NCKAP5: variants seen among roughly 807,000 people sequenced by gnomAD.
NCKAP5 encodes the protein NCK associated protein 5.
NCKAP5 carries 92 observed loss-of-function variants against 167.0 expected under a neutral mutation model. The observed-to-expected ratio is 0.55, with a 90% CI of 0.47 to 0.66. The LOEUF is 0.66. Ranked by LOEUF, NCKAP5 falls within the 30% of genes least tolerant of loss-of-function variation. The pLI, the probability that NCKAP5 is intolerant of heterozygous loss-of-function variation, is 0.00. For missense variants in NCKAP5, 2,378 were observed against 2,315.0 expected (o/e 1.03, Z -0.56); for synonymous variants, 891 against 877.4 (o/e 1.02, Z -0.27).
chr2:133,251,089 C>CAAA (rs2088293841), intron 4 of NCKAP5, among the ~76,000 whole-genome samples: 1 of 150,826 alleles, frequency 6.6e-6, no homozygotes, highest in African/African-American at 2.4e-5. Context: ...AAAAAAAAAC[C>CAAA]CAGCATAACA....
At chr2:133,546,578 A>G (rs1293819234) in intron 2 of NCKAP5, among the ~76,000 whole-genome samples, 1 of 152,146 alleles carries the variant, frequency 6.6e-6, no homozygotes, top group Non-Finnish European at 1.5e-5. Flanking sequence ...GGGGCTTTGG[A>G]AGAGCAGAGG....
chr2:133,248,723 A>T (rs537198471), intron 4 of NCKAP5, among the ~76,000 whole-genome samples: 2 of 152,130 alleles, frequency 1.3e-5, no homozygotes, highest in Non-Finnish European at 2.9e-5. Context: ...TGGATAATTC[A>T]TGGTTTTACA....
chr2:132,763,784 A>G (rs569902906), intron 16 of NCKAP5, among the ~76,000 whole-genome samples: 41 of 152,326 alleles, frequency 2.7e-4, no homozygotes, highest in African/African-American at 9.9e-4. Context: ...CTTATCAGTG[A>G]TCACAATGCA....
intron 6 of NCKAP5, among the ~76,000 whole-genome samples, chr2:133,039,807 C>T (rs2079154075): frequency 6.6e-6 from 1 of 152,102 alleles, no homozygotes; most frequent in African/African-American, 2.4e-5. Context: ...GCCCAGGAAC[C>T]ACACTCCGGA....
At chr2:133,550,360 C>CA (rs1326349906) in intron 2 of NCKAP5, among the ~76,000 whole-genome samples, 1 of 151,156 alleles carries the variant, frequency 6.6e-6, no homozygotes, top group Non-Finnish European at 1.5e-5. Context: ...AAAATACTGG[C>CA]AAAACGAATC....
the NCKAP5 span, among the ~76,000 whole-genome samples, chr2:133,671,598 C>G: frequency 6.6e-6 from 1 of 152,128 alleles, no homozygotes; most frequent in African/African-American, 2.4e-5. Flanking sequence ...CACCTCAGGA[C>G]TCTGCAGAGT....
intron 2 of NCKAP5, among the ~76,000 whole-genome samples, chr2:133,544,258 T>C (rs1686467957): frequency 6.6e-6 from 1 of 152,222 alleles, no homozygotes; most frequent in African/African-American, 2.4e-5. Context: ...CTTCAGAATA[T>C]TCTATTATTA....
At chr2:133,043,572 T>C (rs2079288050) in intron 6 of NCKAP5, among the ~76,000 whole-genome samples, 1 of 152,164 alleles carries the variant, frequency 6.6e-6, no homozygotes, top group Non-Finnish European at 1.5e-5. Context: ...CTTACAAATT[T>C]GTACTGGGCC....
intron 6 of NCKAP5, among the ~76,000 whole-genome samples, chr2:133,100,175 A>G (rs2081464424): frequency 1.3e-5 from 2 of 152,334 alleles, no homozygotes; most frequent in African/African-American, 4.8e-5. Context: ...CAAGCATTTC[A>G]AGTACACCGA....
chr2:132,959,608 C>T (rs1328511270), intron 8 of NCKAP5, among the ~76,000 whole-genome samples: 1 of 152,176 alleles, frequency 6.6e-6, no homozygotes, highest in South Asian at 2.1e-4. Context: ...TTTCAAGGAA[C>T]ATGCCATGAG....
At chr2:133,400,727 G>A (rs1050273725) in intron 3 of NCKAP5, among the ~76,000 whole-genome samples, 17 of 152,290 alleles carry the variant, frequency 1.1e-4, no homozygotes, top group African/African-American at 3.8e-4. Flanking sequence ...GCAGCTCTGG[G>A]AAACTAATAC....
intron 2 of NCKAP5, among the ~76,000 whole-genome samples, chr2:133,535,719 G>A (rs750979735): frequency 3.3e-5 from 5 of 152,084 alleles, no homozygotes; most frequent in Non-Finnish European, 7.4e-5. Flanking sequence ...TCTCCATACT[G>A]TTTTCCATAG....
intron 8 of NCKAP5, among the ~76,000 whole-genome samples, chr2:132,910,939 G>C (rs1198519144): frequency 2.0e-5 from 3 of 152,176 alleles, no homozygotes; most frequent in African/African-American, 7.2e-5. Context: ...CATAGGCCCA[G>C]TTAGTTACTT....
At chr2:133,309,153 C>T (rs1361154570) in intron 3 of NCKAP5, among the ~76,000 whole-genome samples, 2 of 152,062 alleles carry the variant, frequency 1.3e-5, no homozygotes, top group Non-Finnish European at 2.9e-5. Flanking sequence ...AAAGTAATAT[C>T]CTACAGTAAA....
At chr2:133,536,513 A>T (rs963692489) in intron 2 of NCKAP5, among the ~76,000 whole-genome samples, 38 of 152,184 alleles carry the variant, frequency 2.5e-4, no homozygotes, top group African/African-American at 9.1e-4. Context: ...TTTTTGTACC[A>T]GTACCATGCT....
chr2:133,645,655 T>C, the NCKAP5 span, among the ~76,000 whole-genome samples: 1 of 152,156 alleles, frequency 6.6e-6, no homozygotes, highest in Non-Finnish European at 1.5e-5. Context: ...TATAGAGTTG[T>C]TGTAAGTATT....
At chr2:132,789,985 A>G (rs1018203689) in intron 13 of NCKAP5, 38 bp downstream of exon 13, 10 of 1,563,564 alleles carry the variant, frequency 6.4e-6, no homozygotes, top group South Asian at 1.2e-5. Context: ...CCAGAAGAGG[A>G]TTCTTTTCTG....
chr2:132,959,070 AATAAT>A (rs1292982263), intron 8 of NCKAP5, among the ~76,000 whole-genome samples: 1 of 146,744 alleles, frequency 6.8e-6, no homozygotes, highest in African/African-American at 2.5e-5. Flanking sequence ...TAAATATATT[AATAAT>A]ATATTAATAA....
intron 3 of NCKAP5, among the ~76,000 whole-genome samples, chr2:133,315,184 G>C (rs1423809343): frequency 6.6e-6 from 1 of 152,140 alleles, no homozygotes; most frequent in Admixed American, 6.5e-5. Context: ...GAAGGAATAG[G>C]GGGCAGGGGC....
Sources: gnomAD v4.1 joint callset for allele counts (sites outside exome capture counted in the v4.1 genomes callset) on GRCh38, gnomAD v4.1.1 for gene constraint, MANE v1.5 for transcripts, NCBI Gene and HGNC (gene_info 2026-07-23, HGNC 2026-07-21) for gene names.